JAM2: variants seen among roughly 807,000 people sequenced by gnomAD.
JAM2 encodes the protein junctional adhesion molecule 2, also known as junctional adhesion molecule B.
Under a neutral mutation model 42.0 loss-of-function variants are expected in JAM2, and 17 were observed. The ratio of observed to expected loss-of-function variants is 0.40; its 90% CI spans 0.28 to 0.61. The LOEUF is 0.61. Ranked by LOEUF, JAM2 falls within the 20% of genes least tolerant of loss-of-function variation. The pLI, the probability that JAM2 is intolerant of heterozygous loss-of-function variation, is 0.37. For synonymous variants in JAM2, 118 were observed against 128.6 expected (o/e 0.92, Z 0.56); for missense variants, 319 against 358.3 (o/e 0.89, Z 0.89).
chr21:25,656,926 T>C (rs931099494), intron 1 of JAM2, among the ~76,000 whole-genome samples: 2 of 152,246 alleles, frequency 1.3e-5, no homozygotes, highest in African/African-American at 4.8e-5. Flanking sequence ...ACCAGCCTTT[T>C]TCATTATGTG....
chr21:25,688,700 C>T (rs2033810339), intron 2 of JAM2, among the ~76,000 whole-genome samples: 1 of 152,094 alleles, frequency 6.6e-6, no homozygotes, highest in African/African-American at 2.4e-5. Context: ...TTTTCCATTA[C>T]CTTTTATTCC....
At position 25,639,757 on chromosome 21, in the gene JAM2, C is replaced by T. The variant is rs1032246635; in HGVS notation, c.-65C>T. 7 of 1,112,508 alleles carry T rather than the reference C, an allele frequency of 6.3e-6. No individual in the cohort carries two copies. Among genetic ancestry groups the T allele is most frequent in the Non-Finnish European group, 6.5e-6 (5 of 773,098 alleles). 68.9% of individuals were successfully genotyped at this position (1,112,508 alleles called of 1,614,324 possible). ...GCCCCAGAAGTTCAAGGGCCCCCGG[C>T]CTCCTGCGCTCCTGCCGCCGGGACC... On this transcript the variant is annotated 5_prime_UTR_variant, in exon 1 of 10. Transcript: ENST00000480456.
At chr21:25,669,465 C>T (rs1020868482) in intron 1 of JAM2, among the ~76,000 whole-genome samples, 1 of 151,938 alleles carries the variant, frequency 6.6e-6, no homozygotes. Context: ...TCCTCATACG[C>T]GATTATTGTA....
At chr21:25,687,139 G>A (rs747995033) in intron 2 of JAM2, among the ~76,000 whole-genome samples, 54 of 152,096 alleles carry the variant, frequency 3.6e-4, no homozygotes, top group Admixed American at 9.8e-4. Flanking sequence ...ATATTTCTAC[G>A]TCAAGGCAAG....
At chr21:25,646,420 C>A (rs186471073) in intron 1 of JAM2, among the ~76,000 whole-genome samples, 25 of 152,172 alleles carry the variant, frequency 1.6e-4, no homozygotes, top group Non-Finnish European at 2.2e-4. Context: ...CTCTCCCACA[C>A]GTAAGTTTAT....
chr21:25,688,440 C>T (rs886888000), intron 2 of JAM2, among the ~76,000 whole-genome samples: 2 of 152,132 alleles, frequency 1.3e-5, no homozygotes, highest in African/African-American at 4.8e-5. Context: ...CACAAAATAC[C>T]GGAAGGAAAC....
At chr21:25,686,390 C>G (rs2033751789) in intron 2 of JAM2, among the ~76,000 whole-genome samples, 1 of 152,162 alleles carries the variant, frequency 6.6e-6, no homozygotes, top group South Asian at 2.1e-4. Context: ...AGTCTTAGGA[C>G]TAGATGCAGT....
At chr21:25,673,217 A>T (rs1362332013) in intron 1 of JAM2, among the ~76,000 whole-genome samples, 1 of 152,118 alleles carries the variant, frequency 6.6e-6, no homozygotes, top group Non-Finnish European at 1.5e-5. Flanking sequence ...TTTTTTTGAA[A>T]TTTTTGGGAA....
rs201799815 is a variant in JAM2 at position 25,705,234 on chromosome 21, CAT to C, written c.698-744_698-743del. On this transcript the variant is annotated intron_variant, in intron 6 of 9. Transcript: ENST00000480456. ...ACTTAGTTTTACAGAATAACAATGACATGTGCTTTTTTTTAAGAGACAGTCTT... is the reference window on the plus strand; with the variant it reads ...ACTTAGTTTTACAGAATAACAATGACGTGCTTTTTTTTAAGAGACAGTCTT... Among the ~76,000 whole-genome samples the C allele has an allele frequency of 9.4e-3, 1,423 of 152,038 alleles. 24 individuals are homozygous for C. The highest frequency in any genetic ancestry group is 0.033 in the African/African-American group (1,359 of 41,460).
At chr21:25,673,128 G>T (rs2033399570) in intron 1 of JAM2, among the ~76,000 whole-genome samples, 1 of 152,204 alleles carries the variant, frequency 6.6e-6, no homozygotes, top group Admixed American at 6.5e-5. Flanking sequence ...GATGAGGAGT[G>T]CCTGGTGAGA....
chr21:25,697,310 C>T (rs2034060272), intron 4 of JAM2, among the ~76,000 whole-genome samples: 1 of 152,132 alleles, frequency 6.6e-6, no homozygotes, highest in Admixed American at 6.5e-5. Flanking sequence ...CTTTCTACTA[C>T]AGTACCTAGA....
At chr21:25,668,214 T>A (rs1250084547) in intron 1 of JAM2, among the ~76,000 whole-genome samples, 1 of 152,142 alleles carries the variant, frequency 6.6e-6, no homozygotes, top group African/African-American at 2.4e-5. Context: ...TCTATGCCAA[T>A]GAAAGAACTT....
chr21:25,669,074 T>C (rs1319363990), intron 1 of JAM2, among the ~76,000 whole-genome samples: 1 of 152,192 alleles, frequency 6.6e-6, no homozygotes, highest in Non-Finnish European at 1.5e-5. Context: ...AGTCATTACC[T>C]TTAAAAAGGT....
At chr21:25,648,242 A>G (rs151220541) in intron 1 of JAM2, among the ~76,000 whole-genome samples, 1 of 152,232 alleles carries the variant, frequency 6.6e-6, no homozygotes, top group Admixed American at 6.5e-5. Context: ...GCATTTTCAA[A>G]TAGGAATGGA....
intron 5 of JAM2, among the ~76,000 whole-genome samples, chr21:25,700,583 A>C (rs2034145135): frequency 1.3e-5 from 2 of 151,356 alleles, no homozygotes; most frequent in South Asian, 2.1e-4. Context: ...CTGGTCTTGA[A>C]CTCCTGACCT....
Position 25,714,659 on chromosome 21 carries a change from C to A in JAM2, c.884C>A (p.Ser295Tyr). The A allele has an allele frequency of 1.3e-6, 2 of 1,510,768 alleles. No homozygotes were observed. Among genetic ancestry groups the A allele is most frequent in the Non-Finnish European group, 1.8e-6 (2 of 1,123,264 alleles). 93.6% of individuals were successfully genotyped at this position (1,510,768 alleles called of 1,614,324 possible). A position where few individuals can be genotyped will look rare whatever the true frequency, so the allele number is the denominator to read the frequency against. Residue 295 changes from serine (S) to tyrosine (Y), a missense_variant, in exon 10 of 10, where the codon TCC becomes TAC. Transcript: ENST00000480456. ...TCCTAGGATTTCAAGCACACAAAAT[C>A]CTTTATAATTTAAAGACTCCACTTT... ...MSENDFKHTK[S>Y]FII is the part of the protein sequence containing the mutation.
intron 1 of JAM2, among the ~76,000 whole-genome samples, chr21:25,644,733 G>A (rs2032552854): frequency 6.6e-6 from 1 of 152,294 alleles, no homozygotes; most frequent in Non-Finnish European, 1.5e-5. Flanking sequence ...TCTCACAGCA[G>A]CCAAAATGAG....
At chr21:25,705,882 C>A in intron 6 of JAM2, 97 bp from the exon 7 acceptor site, 1 of 803,308 alleles carries the variant, frequency 1.2e-6, no homozygotes, top group Non-Finnish European at 2.2e-6. Flanking sequence ...TATGATATAG[C>A]TGCAAAGGGG....
At chr21:25,650,085 G>A (rs972737447) in intron 1 of JAM2, among the ~76,000 whole-genome samples, 3 of 152,122 alleles carry the variant, frequency 2.0e-5, no homozygotes, top group African/African-American at 4.8e-5. Flanking sequence ...TAATATCTTC[G>A]TGAGGGTGGC....
Sources: gnomAD v4.1 joint callset for allele counts (sites outside exome capture counted in the v4.1 genomes callset) on GRCh38, gnomAD v4.1.1 for gene constraint, MANE v1.5 for transcripts, NCBI Gene and HGNC (gene_info 2026-07-23, HGNC 2026-07-21) for gene names.